Variants in SIGLEC1 observed in about 807,000 individuals in gnomAD.
SIGLEC1 encodes sialic acid binding Ig like lectin 1, also known as sialoadhesin.
SIGLEC1 carries 132 observed loss-of-function variants against 148.0 expected under a neutral mutation model. The ratio of observed to expected loss-of-function variants is 0.89; its 90% CI spans 0.77 to 1.03. The LOEUF (loss-of-function observed/expected upper bound fraction) is 1.03. Among genes scored for constraint, SIGLEC1 ranks in the 50% least tolerant of loss-of-function variants. SIGLEC1 has a pLI of 0.00. For synonymous variants in SIGLEC1, 945 were observed against 969.0 expected (o/e 0.98, Z 0.46); for missense variants, 2,253 against 2,271.4 (o/e 0.99, Z 0.16).
intron 19 of SIGLEC1, 122 bp from the exon 20 acceptor site, chr20:3,689,824 A>T: frequency 5.1e-6 from 6 of 1,166,532 alleles, no homozygotes; most frequent in Non-Finnish European, 7.4e-6. Flanking sequence ...TCTCCACACA[A>T]GGGTGCCCCG....
rs2087817863 is a variant in SIGLEC1 at position 3,697,932 on chromosome 20, A to G, written c.1988T>C (p.Met663Thr). The part of the protein sequence containing the change: ...CSTCGGCSPR[M>T]KVTKAPNLLR... The stretch of plus-strand genomic sequence containing the variant: ...CAAGTTGGGGGCTTTGGTGACCTTC[A>G]TGCGTGGGGAACAGCCCCCACAGGT... Residue 663 changes from methionine to threonine, a missense_variant, in exon 9 of 22, where the codon ATG becomes ACG. By Grantham distance (81) the Met-to-Thr change is moderately conservative (BLOSUM62 -1). Coordinates refer to ENST00000344754, the MANE Select transcript of SIGLEC1 (RefSeq NM_023068.4). 3 of 1,612,976 alleles carry G rather than the reference A, an allele frequency of 1.9e-6. No individual in the cohort carries two copies. The highest frequency in any genetic ancestry group is 1.7e-6 in the Non-Finnish European group (2 of 1,179,922).
chr20:3,695,171 T>C (rs2088810526), intron 11 of SIGLEC1, among the ~76,000 whole-genome samples: 1 of 152,186 alleles, frequency 6.6e-6, no homozygotes, highest in Non-Finnish European at 1.5e-5. Flanking sequence ...GTGTCAGTCA[T>C]ATCTCGCCTA....
In SIGLEC1 at chr20:3,692,812, C is replaced by T. The variant is rs767609867; in HGVS notation, c.3779-40G>A. The T allele has an allele frequency of 1.9e-6, 3 of 1,600,870 alleles. No homozygotes were observed. In the Admixed American group the frequency reaches 5.0e-5, roughly 27 times the overall value. On this transcript the variant is annotated intron_variant, in intron 15 of 21. Coordinates refer to ENST00000344754, the MANE Select transcript of SIGLEC1 (RefSeq NM_023068.4). ...CCAGGATCAGCCGGGCCCAGCCGGA[C>T]ACCACAGTGGGCTTCCATCCCAGTG...
At chr20:3,708,730 G>A (rs1259540694) in intron 1 of SIGLEC1, among the ~76,000 whole-genome samples, 1 of 151,966 alleles carries the variant, frequency 6.6e-6, no homozygotes, top group Non-Finnish European at 1.5e-5. Context: ...CAGCCTGGGT[G>A]ACAGAGCAAG....
chr20:3,706,424 C>T lies in SIGLEC1; in HGVS notation c.332G>A (p.Gly111Asp), dbSNP rs867453568. Residue 111 changes from glycine to aspartate, a missense_variant, in exon 3 of 22, where the codon GGT becomes GAT. Transcript: ENST00000344754. ...LLKDLQPEDS[G>D]SYNFRFEISE... ...GATCTCGAAGCGGAAGTTGTAGGAA[C>T]CAGAGTCCTCGGGCTGCAGGTCCTT... The T allele has an allele frequency of 6.2e-7, 1 of 1,614,188 alleles. No individual in the cohort carries two copies. The highest frequency in any genetic ancestry group is 1.6e-4 in the Middle Eastern group (1 of 6,062).
intron 8 of SIGLEC1, 143 bp downstream of exon 8, chr20:3,699,059 G>A: frequency 1.1e-6 from 1 of 938,830 alleles, no homozygotes; most frequent in Non-Finnish European, 1.6e-6. Context: ...GCCCCACATG[G>A]AAAGACCCAC....
At chr20:3,693,342 GGTACCGA>G in intron 14 of SIGLEC1, 98 bp downstream of exon 14, 1 of 1,328,206 alleles carries the variant, frequency 7.5e-7, no homozygotes, top group South Asian at 1.5e-5. Flanking sequence ...CTAGCTACTG[GGTACCGA>G]GTTCCCCACT....
rs370128295 is a variant in SIGLEC1 at position 3,690,051 on chromosome 20, G to A, written c.4805C>T (p.Ala1602Val). ...SPNALRVDIEALRPSDQGEYI... is the reference protein window; with the variant it reads ...SPNALRVDIEVLRPSDQGEYI... ...TTCCCCTTGGTCGCTGGGCCTCAGC[G>A]CCTCGATGTCCACCCTCAGGGCATT... Residue 1602 changes from alanine to valine, a missense_variant, in exon 19 of 22, where the codon GCG becomes GTG. Ala to Val is a moderately conservative substitution (Grantham distance 64). Transcript: ENST00000344754. 68 of 1,612,324 alleles carry A rather than the reference G, an allele frequency of 4.2e-5. No homozygotes were observed. Among genetic ancestry groups the A allele is most frequent in the African/African-American group, 3.6e-4 (27 of 75,024 alleles).
intron 11 of SIGLEC1, among the ~76,000 whole-genome samples, chr20:3,695,900 C>A (rs2146523081): frequency 6.6e-6 from 1 of 152,076 alleles, no homozygotes; most frequent in African/African-American, 2.4e-5. Flanking sequence ...CAACCTCCAT[C>A]TCCCAGGTTC....
At chr20:3,695,102 C>T (rs2088810187) in intron 11 of SIGLEC1, among the ~76,000 whole-genome samples, 179 bp from the exon 12 acceptor site, 1 of 152,210 alleles carries the variant, frequency 6.6e-6, no homozygotes, top group African/African-American at 2.4e-5. Flanking sequence ...GCTCCCCACT[C>T]TCCTGCACAG....
Position 3,692,590 on chromosome 20 carries a change from C to A in SIGLEC1, c.3961G>T (p.Ala1321Ser). 2 of 1,611,964 alleles carry A rather than the reference C, an allele frequency of 1.2e-6. No individual in the cohort carries two copies. Among genetic ancestry groups the A allele is most frequent in the Non-Finnish European group, 1.7e-6 (2 of 1,179,930 alleles). ...GCATCCTGGGCCTGGCAAGAGTAGG[C>A]GCCTGCATGAGCCCGCGTGGCCACC... Reference protein sequence around the residue: ...FLVATRAHAGAYSCQAQDAQG... With the variant: ...FLVATRAHAGSYSCQAQDAQG... The change falls in exon 16 of 22, where the codon GCC becomes TCC. Residue 1321 changes from alanine (A) to serine (S), a missense_variant. Ala to Ser is a moderately conservative substitution (Grantham distance 99). Transcript: ENST00000344754.
chr20:3,689,887 G>T, intron 19 of SIGLEC1, 75 bp downstream of exon 19: 1 of 1,333,712 alleles, frequency 7.5e-7, no homozygotes, highest in Non-Finnish European at 1.1e-6. Context: ...GAGGGATACA[G>T]GGAAGGAAGC....
rs754108023 is a variant in SIGLEC1 at position 3,692,934 on chromosome 20, C to T, written c.3706G>A (p.Glu1236Lys). The T allele has an allele frequency of 1.9e-6, 3 of 1,612,652 alleles. No individual in the cohort carries two copies. The highest frequency in any genetic ancestry group is 2.5e-6 in the Non-Finnish European group (3 of 1,179,918). Residue 1236 changes from glutamate to lysine, a missense_variant, in exon 15 of 22, where the codon GAG (glutamate) becomes AAG (lysine). By Grantham distance (56) the Glu-to-Lys change is moderately conservative. Transcript: ENST00000344754. ...CGGGCAGAGCAGCTGTAGAAACCCT[C>T]ATCCCTGGGCTGTGGCCCTCGCAGC... The part of the protein sequence containing the change: ...LELRGPQPRD[E>K]GFYSCSARSP...
intron 5 of SIGLEC1, among the ~76,000 whole-genome samples, 175 bp downstream of exon 5, chr20:3,703,650 G>C (rs919796682): frequency 6.6e-6 from 1 of 152,182 alleles, no homozygotes; most frequent in Non-Finnish European, 1.5e-5. Flanking sequence ...CCCACCCTTC[G>C]TGGGGGTATT....
At position 3,691,969 on chromosome 20, in the gene SIGLEC1, T is replaced by C. The variant is rs776814979; in HGVS notation, c.4264A>G (p.Thr1422Ala). 1 of 1,610,988 alleles carries C rather than the reference T, an allele frequency of 6.2e-7. No homozygotes were observed. Among genetic ancestry groups the C allele is most frequent in the South Asian group, 1.1e-5 (1 of 90,898 alleles). ...QVQDVPAGDD[T>A]YVCTAQNLLG... is the part of the protein sequence containing the mutation. ...AAGTTTTGGGCTGTGCAAACATAGG[T>C]GTCATCACCTGCAGGCACATCTTGC... The change falls in exon 17 of 22, where the codon ACC becomes GCC. Residue 1422 changes from threonine (T) to alanine (A), a missense_variant. Thr to Ala is a moderately conservative substitution (Grantham distance 58). Coordinates refer to ENST00000344754, the MANE Select transcript of SIGLEC1 (RefSeq NM_023068.4).
At chr20:3,706,996 G>T in intron 2 of SIGLEC1, 84 bp downstream of exon 2, 2 of 1,422,670 alleles carry the variant, frequency 1.4e-6, no homozygotes, top group South Asian at 2.3e-5. Flanking sequence ...CCAAACATGT[G>T]ACCCAGGCAT....
Position 3,697,254 on chromosome 20 carries a change from G to C in SIGLEC1, c.2211C>G (p.Gly737=). 6.2e-7 allele frequency: 1 copy of C among 1,614,018 alleles called. No homozygotes were observed. The highest frequency in any genetic ancestry group is 8.5e-7 in the Non-Finnish European group (1 of 1,180,040). Reference sequence around the variant, plus strand: ...GGAACCAGGAGAAGTTAGCAGGGCTGCCAGCAGCTTCCCGGCTCACGTTGC... The same window carrying C: ...GGAACCAGGAGAAGTTAGCAGGGCTCCCAGCAGCTTCCCGGCTCACGTTGC... ...LTCNVSREAA[G]SPANFSWFRN... Residue 737 remains glycine (G), a synonymous_variant, in exon 10 of 22, where the codon GGC becomes GGG. Coordinates refer to ENST00000344754, the MANE Select transcript of SIGLEC1 (RefSeq NM_023068.4).
Position 3,701,624 on chromosome 20 carries a change from C to A in SIGLEC1, c.1246G>T (p.Val416Phe). Reference protein sequence around the residue: ...VVVNHPPLTPVLTAFLETQAG... With the variant: ...VVVNHPPLTPFLTAFLETQAG... The stretch of plus-strand genomic sequence containing the variant: ...TGGGTCTCCAGGAAGGCTGTCAGGA[C>A]TGGAGTGAGAGGCGGGTCTGTGTGG... The change falls in exon 7 of 22, where the codon GTC becomes TTC. Residue 416 changes from valine (V) to phenylalanine (F), a missense_variant. Transcript: ENST00000344754. 2 of 1,576,210 alleles carry A rather than the reference C, an allele frequency of 1.3e-6. No individual in the cohort carries two copies. The highest frequency in any genetic ancestry group is 1.7e-5 in the Admixed American group (1 of 57,856).
Position 3,696,834 on chromosome 20 carries a change from A to C in SIGLEC1, c.2435T>G (p.Met812Arg), listed in dbSNP as rs1270923506. ...GTCCACAGTGCAGATGAACAGAGCC[A>C]TGTGGCCCTGGCCCATGTCTAGGAG... ...SALLDMGQGH[M>R]ALFICTVDSR... Residue 812 changes from methionine to arginine, a missense_variant, in exon 11 of 22, where the codon ATG becomes AGG. Coordinates refer to ENST00000344754, the MANE Select transcript of SIGLEC1 (RefSeq NM_023068.4). 1.9e-6 allele frequency: 3 copies of C among 1,594,576 alleles called. No individual in the cohort carries two copies. The highest frequency in any genetic ancestry group is 1.7e-5 in the Admixed American group (1 of 58,276).
Sources: gnomAD v4.1 joint callset for allele counts (sites outside exome capture counted in the v4.1 genomes callset) on GRCh38, gnomAD v4.1.1 for gene constraint, MANE v1.5 for transcripts, NCBI Gene and HGNC (gene_info 2026-07-23, HGNC 2026-07-21) for gene names.